The following PLAA variants were observed in gnomAD, a reference collection of about 807,000 sequenced individuals.
PLAA encodes phospholipase A2 activating protein.
PLAA carries 48 observed loss-of-function variants against 84.1 expected under a neutral mutation model. The ratio of observed to expected loss-of-function variants is 0.57; its 90% CI spans 0.45 to 0.73. PLAA has a LOEUF of 0.73. Ranked by LOEUF, PLAA falls within the 30% of genes least tolerant of loss-of-function variation. The probability of loss-of-function intolerance (pLI) is 0.00; values close to 1 mark genes in which losing one functional copy is unlikely to be tolerated. For missense variants in PLAA, 903 were observed against 954.7 expected, an observed-to-expected ratio of 0.95 and a Z score of 0.71; for synonymous variants, 392 against 336.6, an observed-to-expected ratio of 1.16 and a Z score of -1.80.
At chr9:26,925,998 A>C in intron 5 of PLAA, 38 bp from the exon 6 acceptor site, 1 of 1,549,866 alleles carries the variant, frequency 6.5e-7, no homozygotes. Flanking sequence ...AGTTTGAATA[A>C]AATTAAGTAC....
At chr9:26,923,400 T>C (rs1304249659) in intron 6 of PLAA, 53 bp from the exon 7 acceptor site, 3 of 1,219,618 alleles carry the variant, frequency 2.5e-6, no homozygotes, top group Admixed American at 2.0e-5. Flanking sequence ...TACATTAACA[T>C]TATCACACCT....
chr9:26,925,476 C>T (rs1424065104), intron 6 of PLAA, among the ~76,000 whole-genome samples: 1 of 152,182 alleles, frequency 6.6e-6, no homozygotes, highest in Non-Finnish European at 1.5e-5. Context: ...TCTTTTCTCA[C>T]TCATAATCTT....
intron 1 of PLAA, among the ~76,000 whole-genome samples, chr9:26,940,440 A>C (rs1365938720): frequency 2.0e-5 from 3 of 152,266 alleles, no homozygotes; most frequent in Non-Finnish European, 4.4e-5. Flanking sequence ...TGTGGAACTT[A>C]GAGCTGTCAA....
intron 1 of PLAA, among the ~76,000 whole-genome samples, chr9:26,935,660 A>G (rs1310579780): frequency 6.6e-6 from 1 of 152,138 alleles, no homozygotes; most frequent in East Asian, 1.9e-4. Flanking sequence ...CCAGTAGTAT[A>G]GTACAGCATG....
chr9:26,908,097 A>C (rs941669958), intron 12 of PLAA, 99 bp from the exon 13 acceptor site: 4 of 789,194 alleles, frequency 5.1e-6, no homozygotes, highest in East Asian at 2.7e-5. Context: ...AGTGTACACC[A>C]TGGGGAGTTA....
chr9:26,928,085 C>G lies in PLAA; in HGVS notation c.565+15G>C. ...AAAGCAATGATATTATAAAACTTGT[C>G]TACCCTGATCTTACCTGAAAAAGTC... On this transcript the variant is annotated intron_variant, in intron 4 of 13. Transcript: ENST00000397292. 2 of 1,600,968 alleles carry G rather than the reference C, an allele frequency of 1.2e-6. No homozygotes were observed. The highest frequency in any genetic ancestry group is 1.7e-6 in the Non-Finnish European group (2 of 1,176,654).
At position 26,946,354 on chromosome 9, in the gene PLAA, C is replaced by T. The variant is rs147483604; in HGVS notation, c.149+543G>A. ...TTCTCCTCAAGAAACAGCACATGCACAGAAACAAAACATCCGAGAGGTTTC... is the reference window on the plus strand; with the variant it reads ...TTCTCCTCAAGAAACAGCACATGCATAGAAACAAAACATCCGAGAGGTTTC... On this transcript the variant is annotated intron_variant, in intron 1 of 13. Transcript: ENST00000397292. Among the ~76,000 whole-genome samples the T allele has an allele frequency of 8.2e-4, 124 of 151,596 alleles. 1 individual carries two copies. Among genetic ancestry groups the T allele is most frequent in the East Asian group, 4.3e-3 (22 of 5,156 alleles).
In PLAA at chr9:26,938,583, A is replaced by G. The variant is rs116080480; in HGVS notation, c.150-3377T>C. On this transcript the variant is annotated intron_variant, in intron 1 of 13. Coordinates refer to ENST00000397292, the MANE Select transcript of PLAA (RefSeq NM_001031689.3). ...AAAAAAAAAAAAAAAAAAAATGGTG[A>G]GGGAGTTTGCTGCCATGAGACCTCC... 9.9e-3 allele frequency among the ~76,000 whole-genome samples: 1,462 copies of G among 148,408 alleles called. 20 individuals carry two copies. Among genetic ancestry groups the G allele is most frequent in the African/African-American group, 0.034 (1,375 of 40,482 alleles).
Position 26,926,530 on chromosome 9 carries a change from A to C in PLAA, c.596T>G (p.Ile199Ser), listed in dbSNP as rs1199584329. Residue 199 changes from isoleucine (I) to serine (S), a missense_variant, in exon 5 of 14, where the codon ATT (isoleucine) becomes AGT (serine). By Grantham distance (142) the Ile-to-Ser change is moderately radical (BLOSUM62 -2). Coordinates refer to ENST00000397292, the MANE Select transcript of PLAA (RefSeq NM_001031689.3). ...GGAAAGAAATTCTGTTTCACTCAAA[A>C]TTGCCAAACCTCTTACACAGTCTTC... ...GHEDCVRGLA[I>S]LSETEFLSCA... is the part of the protein sequence containing the mutation. 6.2e-7 allele frequency: 1 copy of C among 1,613,592 alleles called. No individual in the cohort carries two copies. The highest frequency in any genetic ancestry group is 8.5e-7 in the Non-Finnish European group (1 of 1,179,746).
At position 26,926,374 on chromosome 9, in the gene PLAA, T is replaced by C. The variant is rs757184149; in HGVS notation, c.733+19A>G. 2.2e-5 allele frequency: 32 copies of C among 1,487,628 alleles called. No individual in the cohort carries two copies. The highest frequency in any genetic ancestry group is 3.4e-4 in the Middle Eastern group (2 of 5,808). 92.2% of individuals were successfully genotyped at this position (1,487,628 alleles called of 1,614,324 possible). On this transcript the variant is annotated intron_variant, in intron 5 of 13. Transcript: ENST00000397292. ...TGCTCAATACAAAACATTAAATAAA[T>C]AGCATAAAATAATCTTACCTCTACA...
chr9:26,935,576 A>T (rs1338634020), intron 1 of PLAA, among the ~76,000 whole-genome samples: 1 of 152,190 alleles, frequency 6.6e-6, no homozygotes, highest in East Asian at 1.9e-4. Context: ...TGCAATTAAG[A>T]TAATGAAATT....
intron 5 of PLAA, 149 bp from the exon 6 acceptor site, chr9:26,926,109 A>T: frequency 1.5e-6 from 1 of 676,210 alleles, no homozygotes; most frequent in South Asian, 2.0e-5. Flanking sequence ...TACAACATAT[A>T]CAACTTCAAA....
chr9:26,916,906 G>A (rs1420834535), intron 10 of PLAA, among the ~76,000 whole-genome samples, 191 bp downstream of exon 10: 1 of 150,876 alleles, frequency 6.6e-6, no homozygotes, highest in Admixed American at 6.6e-5. Flanking sequence ...TAAAAGTCAC[G>A]AGGGAATCTA....
At position 26,905,295 on chromosome 9, in the gene PLAA, T is replaced by TCAA. The variant is rs1824193406; in HGVS notation, c.*215_*216insTTG. 1 of 523,580 alleles carries TCAA rather than the reference T, an allele frequency of 1.9e-6. No homozygotes were observed. The highest frequency in any genetic ancestry group is 1.9e-5 in the African/African-American group (1 of 52,000). The allele number at this position is 523,580 out of a possible 1,614,324, so 32.4% of individuals were successfully genotyped here. On this transcript the variant is annotated 3_prime_UTR_variant, in exon 14 of 14. Coordinates refer to ENST00000397292, the MANE Select transcript of PLAA (RefSeq NM_001031689.3). ...ATTATAGCTTATTTTAAATTTGTGTTCACACTCTTGAAAATCTACCCAAAT... is the reference window on the plus strand; with the variant it reads ...ATTATAGCTTATTTTAAATTTGTGTTCAACACACTCTTGAAAATCTACCCAAAT...
At chr9:26,939,013 T>C (rs1825441228) in intron 1 of PLAA, among the ~76,000 whole-genome samples, 1 of 152,328 alleles carries the variant, frequency 6.6e-6, no homozygotes, top group East Asian at 1.9e-4. Context: ...GGATTACAAC[T>C]TTAGGATATT....
In PLAA at chr9:26,906,137, G is replaced by A. The variant is rs1824230205; in HGVS notation, c.1823-61C>T. 8.4e-6 allele frequency: 9 copies of A among 1,077,426 alleles called. No homozygotes were observed. In the South Asian group the frequency reaches 1.1e-4, roughly 13 times the overall value. The allele number at this position is 1,077,426 out of a possible 1,614,324, so 66.7% of individuals were successfully genotyped here. On this transcript the variant is annotated intron_variant, in intron 13 of 13. Coordinates refer to ENST00000397292, the MANE Select transcript of PLAA (RefSeq NM_001031689.3). ...ATAAAGAAAATTTCTTTTGACTATC[G>A]ACTTTGAAGGATTTTATTTTCCCAC...
chr9:26,936,899 G>A (rs1303820207), intron 1 of PLAA, among the ~76,000 whole-genome samples: 1 of 152,148 alleles, frequency 6.6e-6, no homozygotes, highest in Non-Finnish European at 1.5e-5. Flanking sequence ...CTAGCACTTT[G>A]GGAGGCCGAG....
chr9:26,935,087 T>C lies in PLAA; in HGVS notation c.269A>G (p.Asn90Ser), dbSNP rs938903672. 5.0e-6 allele frequency: 8 copies of C among 1,610,530 alleles called. No individual in the cohort carries two copies. Among genetic ancestry groups the C allele is most frequent in the African/African-American group, 1.3e-5 (1 of 74,738 alleles). ...YPHGLIATGG[N>S]DHNICIFSLD... ...TGAGAAAATGCATATATTGTGGTCATTTCCACCGGTGGCAATTAGGCCATG... is the reference window on the plus strand; with the variant it reads ...TGAGAAAATGCATATATTGTGGTCACTTCCACCGGTGGCAATTAGGCCATG... Residue 90 changes from asparagine (N) to serine (S), a missense_variant, in exon 2 of 14, where the codon AAT becomes AGT. Asn to Ser is a conservative substitution (Grantham distance 46, BLOSUM62 1). Transcript: ENST00000397292.
intron 10 of PLAA, among the ~76,000 whole-genome samples, chr9:26,914,651 A>G (rs1236772365): frequency 1.3e-5 from 2 of 152,216 alleles, no homozygotes; most frequent in East Asian, 3.8e-4. Context: ...AAATTTAACC[A>G]TATGCCAGTT....
Sources: allele counts gnomAD v4.1 joint callset (sites outside exome capture counted in the v4.1 genomes callset), GRCh38; gene constraint gnomAD v4.1.1; transcripts MANE v1.5; gene names NCBI Gene and HGNC (gene_info 2026-07-23, HGNC 2026-07-21).